CPLX1: variants seen among roughly 807,000 people sequenced by gnomAD.
The protein encoded by CPLX1 is complexin 1.
A neutral mutation model predicts 15.6 loss-of-function variants in CPLX1; 6 were observed. The observed-to-expected ratio is 0.39, with a 90% CI of 0.21 to 0.76. The LOEUF (loss-of-function observed/expected upper bound fraction) is 0.76. CPLX1 is among the 30% of genes least tolerant of loss of function. The pLI is 0.43. For missense variants in CPLX1, 242 were observed against 188.6 expected (o/e 1.28, Z -1.66); for synonymous variants, 91 against 75.2 (o/e 1.21, Z -1.08).
intron 2 of CPLX1, among the ~76,000 whole-genome samples, chr4:822,338 CCT>C (rs1486965731): frequency 2.7e-5 from 4 of 150,926 alleles, no homozygotes; most frequent in Non-Finnish European, 5.9e-5. Flanking sequence ...CCCATCTCTC[CCT>C]GTCTCTGTTT....
chr4:815,834 A>G (rs984563497), intron 2 of CPLX1, among the ~76,000 whole-genome samples: 6 of 152,184 alleles, frequency 3.9e-5, no homozygotes, highest in Admixed American at 3.9e-4. Flanking sequence ...CGGGTGGGGA[A>G]GTTGCAGACA....
At position 802,268 on chromosome 4, in the gene CPLX1, G is replaced by A. The variant is rs6835444; in HGVS notation, c.32-9660C>T. 9.4e-3 allele frequency among the ~76,000 whole-genome samples: 1,432 copies of A among 152,338 alleles called. 19 individuals carry two copies. Among genetic ancestry groups the A allele is most frequent in the African/African-American group, 0.033 (1,358 of 41,576 alleles). On this transcript the variant is annotated intron_variant, in intron 2 of 3. Coordinates refer to ENST00000304062, the MANE Select transcript of CPLX1 (RefSeq NM_006651.4). ...CCAAACAACACGGGAGAATCTCAAA[G>A]TCTTTATGCTGAGTGTAAAAGGCCA...
intron 3 of CPLX1, among the ~76,000 whole-genome samples, chr4:788,780 G>T (rs1313440084): frequency 6.6e-6 from 1 of 152,258 alleles, no homozygotes; most frequent in Non-Finnish European, 1.5e-5. Flanking sequence ...CCAGCCAGGG[G>T]TGTGGGGGTC....
At position 786,536 on chromosome 4, in the gene CPLX1, G is replaced by C. The variant is rs1445901892; in HGVS notation, c.370C>G (p.Leu124Val). 18 of 1,605,222 alleles carry C rather than the reference G, an allele frequency of 1.1e-5. No individual in the cohort carries two copies. Among genetic ancestry groups the C allele is most frequent in the Non-Finnish European group, 1.4e-5 (17 of 1,176,100 alleles). ...ESILDTVIKY[L>V]PGPLQDMLKK ...AGCATGTCCTGCAGCGGCCCGGGCA[G>C]GTACTTGATGACGGTGTCCAGGATG... The change falls in exon 4 of 4, where the codon CTG becomes GTG. Residue 124 changes from leucine (L) to valine (V), a missense_variant. Coordinates refer to ENST00000304062, the MANE Select transcript of CPLX1 (RefSeq NM_006651.4).
chr4:794,784 A>T (rs539909983), intron 2 of CPLX1, among the ~76,000 whole-genome samples: 29 of 152,332 alleles, frequency 1.9e-4, no homozygotes, highest in African/African-American at 6.5e-4. Context: ...TCCTGATGGA[A>T]GGGGTTCCTG....
intron 2 of CPLX1, among the ~76,000 whole-genome samples, chr4:811,840 G>A (rs919825972): frequency 2.0e-5 from 3 of 152,132 alleles, no homozygotes; most frequent in Non-Finnish European, 4.4e-5. Flanking sequence ...TTTCTCCTGT[G>A]ACCTCCTTCT....
At chr4:823,996 T>G (rs1013174053) in intron 2 of CPLX1, among the ~76,000 whole-genome samples, 1 of 152,220 alleles carries the variant, frequency 6.6e-6, no homozygotes, top group African/African-American at 2.4e-5. Flanking sequence ...CTCACCCAAG[T>G]GAAACCCACA....
Position 786,308 on chromosome 4 carries a change from G to C in CPLX1, c.*193C>G. On this transcript the variant is annotated 3_prime_UTR_variant, in exon 4 of 4. Transcript: ENST00000304062. ...AGCCACCCGCGGGCAGAGGAGCACG[G>C]GGCGGACTGGGGGGGTCCTGGGGGC... 1 of 472,266 alleles carries C rather than the reference G, an allele frequency of 2.1e-6. No homozygotes were observed. The highest frequency in any genetic ancestry group is 3.6e-6 in the Non-Finnish European group (1 of 274,314). The allele number at this position is 472,266 out of a possible 1,614,324, so 29.3% of individuals were successfully genotyped here. A position where few individuals can be genotyped will look rare whatever the true frequency, so the allele number is the denominator to read the frequency against.
intron 2 of CPLX1, among the ~76,000 whole-genome samples, chr4:801,406 A>C (rs1489948274): frequency 6.6e-6 from 1 of 152,218 alleles, no homozygotes; most frequent in Non-Finnish European, 1.5e-5. Context: ...CTGATTTTTA[A>C]AGTGGACAAA....
chr4:808,486 C>T (rs1560243804), intron 2 of CPLX1, among the ~76,000 whole-genome samples: 1 of 152,136 alleles, frequency 6.6e-6, no homozygotes, highest in Non-Finnish European at 1.5e-5. Context: ...ACTCCAATTG[C>T]CACAGAAAAA....
chr4:786,989 C>T, intron 3 of CPLX1: 24 of 985,396 alleles, frequency 2.4e-5, no homozygotes, highest in Non-Finnish European at 2.9e-5. Context: ...ACCTCTGGCT[C>T]CAAACCCAGC....
chr4:818,292 C>G (rs949367166), intron 2 of CPLX1, among the ~76,000 whole-genome samples: 7 of 152,222 alleles, frequency 4.6e-5, no homozygotes, highest in Admixed American at 4.6e-4. Context: ...CACCCAGGGG[C>G]CCTGGGCCTG....
chr4:817,872 G>A (rs1226103849), intron 2 of CPLX1, among the ~76,000 whole-genome samples: 2 of 152,108 alleles, frequency 1.3e-5, no homozygotes. Flanking sequence ...AGGTCCTGTG[G>A]GCACGCTGGA....
intron 2 of CPLX1, among the ~76,000 whole-genome samples, chr4:800,655 G>A (rs1577475659): frequency 6.9e-6 from 1 of 145,348 alleles, no homozygotes; most frequent in East Asian, 2.0e-4. Flanking sequence ...GGGAGGCCAA[G>A]GCGGGCAGAT....
intron 3 of CPLX1, chr4:788,075 A>G (rs1746055845): frequency 1.1e-5 from 11 of 985,414 alleles, no homozygotes; most frequent in Non-Finnish European, 1.2e-5. Flanking sequence ...TACAGGACGG[A>G]GGAGCACACC....
intron 3 of CPLX1, 127 bp from the exon 4 acceptor site, chr4:786,825 C>T: frequency 7.1e-7 from 1 of 1,406,264 alleles, no homozygotes; most frequent in Non-Finnish European, 9.2e-7. Flanking sequence ...CCACCAGGCA[C>T]ACAAGGACCC....
intron 2 of CPLX1, among the ~76,000 whole-genome samples, chr4:813,655 G>C (rs1292562424): frequency 6.6e-6 from 1 of 152,100 alleles, no homozygotes; most frequent in Non-Finnish European, 1.5e-5. Context: ...TGAAAACAGA[G>C]AGTTCATGGA....
chr4:786,659 G>C lies in CPLX1; in HGVS notation c.247C>G (p.Gln83Glu), dbSNP rs1415942937. ...TCGGAGTTGGCCTCCATGGCGGCCT[G>C]GGCCTCGGCCTCGCGCTCCTCCTTC... Reference protein sequence around the residue: ...KKKEEREAEAQAAMEANSEGS... With the variant: ...KKKEEREAEAEAAMEANSEGS... The change falls in exon 4 of 4, where the codon CAG becomes GAG. Residue 83 changes from glutamine (Q) to glutamate (E), a missense_variant. By Grantham distance (29) the Gln-to-Glu change is conservative (BLOSUM62 2). Coordinates refer to ENST00000304062, the MANE Select transcript of CPLX1 (RefSeq NM_006651.4). 1.2e-5 allele frequency: 20 copies of C among 1,611,402 alleles called. No individual in the cohort carries two copies. The highest frequency in any genetic ancestry group is 1.7e-5 in the Non-Finnish European group (20 of 1,178,940).
chr4:815,890 T>C (rs1746744274), intron 2 of CPLX1, among the ~76,000 whole-genome samples: 2 of 152,230 alleles, frequency 1.3e-5, no homozygotes, highest in Admixed American at 6.5e-5. Context: ...AGGTCTCTAC[T>C]GATTCCATAT....
Sources: allele counts gnomAD v4.1 joint callset (sites outside exome capture counted in the v4.1 genomes callset), GRCh38; gene constraint gnomAD v4.1.1; transcripts MANE v1.5; gene names NCBI Gene and HGNC (gene_info 2026-07-23, HGNC 2026-07-21).